The following NCOR1 variants were observed in gnomAD, a reference collection of about 807,000 sequenced individuals.
The protein encoded by NCOR1 is protein phosphatase 1, regulatory subunit 109.
In NCOR1, 63 loss-of-function variants were observed where a neutral mutation model predicts 288.1. That is an observed-to-expected ratio of 0.22 (90% CI 0.18 to 0.27). The LOEUF (loss-of-function observed/expected upper bound fraction) is 0.27, where lower values mean the gene tolerates loss of function less well. Ranked by LOEUF, NCOR1 falls within the 10% of genes least tolerant of loss-of-function variation. The pLI is 1.00. For missense variants in NCOR1, 2,397 were observed against 3,019.2 expected (o/e 0.79, Z 4.83); for synonymous variants, 1,007 against 1,065.9 (o/e 0.94, Z 1.08).
chr17:16,151,618 T>A, intron 8 of NCOR1: 1 of 1,358,434 alleles, frequency 7.4e-7, no homozygotes, highest in Non-Finnish European at 9.8e-7. Context: ...GGTACTCCAC[T>A]GAAAAAAAGA....
chr17:16,120,601 T>C (rs1484103541), intron 16 of NCOR1, among the ~76,000 whole-genome samples: 2 of 152,110 alleles, frequency 1.3e-5, no homozygotes, highest in African/African-American at 4.8e-5. Context: ...GATCCAGTAT[T>C]CCCTTGCCTA....
Position 16,121,095 on chromosome 17 carries a change from A to G in NCOR1, c.1809T>C (p.Ala603=), listed in dbSNP as rs746672203. 8.1e-6 allele frequency: 13 copies of G among 1,613,982 alleles called. No homozygotes were observed. Among genetic ancestry groups the G allele is most frequent in the Non-Finnish European group, 1.0e-5 (12 of 1,179,998 alleles). Residue 603 remains alanine (A), a synonymous_variant, in exon 16 of 46, where the codon GCT becomes GCC. Transcript: ENST00000268712. Reference sequence around the variant, plus strand: ...GCAGAGGTGGTGGGGGCTCTTCAGTAGCCGCTGCGGCTGCAGCACTGGCAG... The same window carrying G: ...GCAGAGGTGGTGGGGGCTCTTCAGTGGCCGCTGCGGCTGCAGCACTGGCAG... The part of the protein sequence containing the change: ...AAAASAAAAA[A]TEEPPPPLPP...
At position 16,127,675 on chromosome 17, in the gene NCOR1, G is replaced by A. The variant is rs147799081; in HGVS notation, c.1510-1469C>T. 3.6e-3 allele frequency among the ~76,000 whole-genome samples: 518 copies of A among 143,710 alleles called. 7 individuals are homozygous for A. The highest frequency in any genetic ancestry group is 0.013 in the African/African-American group (476 of 37,996). The allele number at this position is 143,710 out of a possible 152,430, so 94.3% of individuals were successfully genotyped here. Reference sequence around the variant, plus strand: ...TGTATATATACATATATGTATATATGTGTATGTGTATATATACATATATGT... The same window carrying A: ...TGTATATATACATATATGTATATATATGTATGTGTATATATACATATATGT... On this transcript the variant is annotated intron_variant, in intron 14 of 45. Transcript: ENST00000268712.
chr17:16,212,115 A>C (rs1387950961), intron 1 of NCOR1, among the ~76,000 whole-genome samples: 1 of 151,994 alleles, frequency 6.6e-6, no homozygotes, highest in African/African-American at 2.4e-5. Context: ...AAATACAAAA[A>C]TTAGCCAGGC....
chr17:16,215,480 A>C lies in NCOR1; in HGVS notation c.-189T>G, dbSNP rs2092472133. On this transcript the variant is annotated 5_prime_UTR_variant, in exon 1 of 46. Coordinates refer to ENST00000268712, the MANE Select transcript of NCOR1 (RefSeq NM_006311.4). Reference sequence around the variant, plus strand: ...GCGCGGCGAGTCGGACGCTCACTCCAGCCGCCGCCGCCGCCGCGGCTGCTG... The same window carrying C: ...GCGCGGCGAGTCGGACGCTCACTCCCGCCGCCGCCGCCGCCGCGGCTGCTG... The C allele has an allele frequency of 5.0e-6, 2 of 397,078 alleles. No homozygotes were observed. The highest frequency in any genetic ancestry group is 4.1e-5 in the African/African-American group (2 of 48,390). 24.6% of individuals were successfully genotyped at this position (397,078 alleles called of 1,614,324 possible). A position where few individuals can be genotyped will look rare whatever the true frequency, so the allele number is the denominator to read the frequency against.
At chr17:16,214,938 G>A (rs529111338) in intron 1 of NCOR1, among the ~76,000 whole-genome samples, 1 of 152,292 alleles carries the variant, frequency 6.6e-6, no homozygotes, top group South Asian at 2.1e-4. Context: ...GTCAACCTCC[G>A]CAGCCCCTTC....
At chr17:16,161,031 C>T (rs956309600) in intron 5 of NCOR1, among the ~76,000 whole-genome samples, 3 of 152,078 alleles carry the variant, frequency 2.0e-5, no homozygotes, top group African/African-American at 7.2e-5. Context: ...GTTATCTGTA[C>T]AAGCAAAAGA....
rs146651283 is a variant in NCOR1, at chr17:16,067,875, C to G, written c.4741+19G>C. The stretch of plus-strand genomic sequence containing the variant: ...GGCATATTTATTTGCCATAAATTAT[C>G]ACTATATTTTGTGTTTACCAGGATC... On this transcript the variant is annotated intron_variant, in intron 32 of 45. Coordinates refer to ENST00000268712, the MANE Select transcript of NCOR1 (RefSeq NM_006311.4). 20 of 1,592,332 alleles carry G rather than the reference C, an allele frequency of 1.3e-5. No individual in the cohort carries two copies. In the East Asian group the frequency reaches 4.5e-4, roughly 36 times the overall value.
Position 16,034,545 on chromosome 17 carries a change from C to T in NCOR1, c.7135+220G>A, listed in dbSNP as rs537091450. Among the ~76,000 whole-genome samples the T allele has an allele frequency of 8.5e-5, 13 of 152,180 alleles. No homozygotes were observed. The East Asian group carries it at 2.1e-3, about 25-fold the overall frequency. Reference sequence around the variant, plus strand: ...ATCACCTGAGCCTCAGAGGTCGAGGCTGCAGTGAGCCATGATCATGCCATT... The same window carrying T: ...ATCACCTGAGCCTCAGAGGTCGAGGTTGCAGTGAGCCATGATCATGCCATT... On this transcript the variant is annotated intron_variant, in intron 45 of 45. Coordinates refer to ENST00000268712, the MANE Select transcript of NCOR1 (RefSeq NM_006311.4).
chr17:16,117,514 GAAAAAAA>G (rs34706253), intron 18 of NCOR1, among the ~76,000 whole-genome samples: 1 of 103,788 alleles, frequency 9.6e-6, no homozygotes, highest in African/African-American at 3.7e-5. Flanking sequence ...CTGGAGCTCA[GAAAAAAA>G]AAAAAAAAAA....
At position 16,034,848 on chromosome 17, in the gene NCOR1, G is replaced by A. The variant is rs772551755; in HGVS notation, c.7052C>T (p.Ser2351Phe). ...GQGYLGTERP[S>F]SVSSVHSEGD... is the part of the protein sequence containing the mutation. Reference sequence around the variant, plus strand: ...TTCTGAATGTACAGAGGAGACTGAAGAGGGCCGTTCCGTTCCTAAGTAGCC... The same window carrying A: ...TTCTGAATGTACAGAGGAGACTGAAAAGGGCCGTTCCGTTCCTAAGTAGCC... Residue 2351 changes from serine (S) to phenylalanine (F), a missense_variant, in exon 45 of 46, where the codon TCT becomes TTT. Coordinates refer to ENST00000268712, the MANE Select transcript of NCOR1 (RefSeq NM_006311.4). 4 of 1,614,018 alleles carry A rather than the reference G, an allele frequency of 2.5e-6. No homozygotes were observed. The highest frequency in any genetic ancestry group is 3.4e-6 in the Non-Finnish European group (4 of 1,180,024).
intron 18 of NCOR1, among the ~76,000 whole-genome samples, chr17:16,110,729 C>G (rs1226509728): frequency 6.6e-6 from 1 of 152,170 alleles, no homozygotes; most frequent in East Asian, 1.9e-4. Context: ...TTAAAAATTA[C>G]CCGTACATCT....
At chr17:16,207,972 T>C (rs971469221) in intron 1 of NCOR1, among the ~76,000 whole-genome samples, 20 of 151,166 alleles carry the variant, frequency 1.3e-4, no homozygotes, top group African/African-American at 4.6e-4. Context: ...GTCGATATTA[T>C]TCTTTCAAAG....
At chr17:16,202,914 CAG>C (rs1220688414) in intron 1 of NCOR1, among the ~76,000 whole-genome samples, 1 of 152,104 alleles carries the variant, frequency 6.6e-6, no homozygotes, top group African/African-American at 2.4e-5. Context: ...TAGAAACAAA[CAG>C]AACTATCAAA....
At position 16,046,966 on chromosome 17, in the gene NCOR1, C is replaced by A; in HGVS notation, c.6664G>T (p.Gly2222Cys). The change falls in exon 42 of 46, where the codon GGT becomes TGT. Residue 2222 changes from glycine to cysteine, a missense_variant. By Grantham distance (159) the Gly-to-Cys change is radical (BLOSUM62 -3). Coordinates refer to ENST00000268712, the MANE Select transcript of NCOR1 (RefSeq NM_006311.4). ...IFRKLNSSGG[G>C]DSDMAAAQPG... ...TCCCACTTACCCATATCAGAGTCAC[C>A]TCCACCAGAGGAGTTCAACTTACGA... The A allele has an allele frequency of 1.2e-6, 2 of 1,613,878 alleles. No homozygotes were observed. The highest frequency in any genetic ancestry group is 1.7e-6 in the Non-Finnish European group (2 of 1,179,906).
chr17:16,114,166 A>ACAAAAAC (rs2153095046), intron 18 of NCOR1, among the ~76,000 whole-genome samples: 1 of 149,966 alleles, frequency 6.7e-6, no homozygotes, highest in East Asian at 1.9e-4. Context: ...AAAAAAAAAA[A>ACAAAAAC]AAACTTGTGC....
chr17:16,177,246 C>G (rs2084382184), intron 3 of NCOR1, among the ~76,000 whole-genome samples: 2 of 151,928 alleles, frequency 1.3e-5, no homozygotes, highest in African/African-American at 2.4e-5. Flanking sequence ...TTGAATACTT[C>G]ATTATTTAAG....
At position 16,031,025 on chromosome 17, in the gene NCOR1, T is replaced by G. The variant is rs531743770; in HGVS notation, c.*1271A>C. The G allele has an allele frequency of 5.6e-5, 11 of 196,018 alleles. No individual in the cohort carries two copies. The South Asian group carries it at 1.9e-3, about 34-fold the overall frequency. The allele number at this position is 196,018 out of a possible 1,614,324, so 12.1% of individuals were successfully genotyped here. On this transcript the variant is annotated 3_prime_UTR_variant, in exon 46 of 46. Transcript: ENST00000268712. The stretch of plus-strand genomic sequence containing the variant: ...AAAGATACTTAAATGCTATGATAAA[T>G]TGTATGAAAAAAACTTTAAAATTCA...
intron 42 of NCOR1, among the ~76,000 whole-genome samples, chr17:16,044,168 CAAAAAA>C (rs34691717): frequency 1.2e-5 from 1 of 82,796 alleles, no homozygotes; most frequent in Non-Finnish European, 2.3e-5. Context: ...GACTCCATCT[CAAAAAA>C]AAAAAAAAAA....
Sources: allele counts gnomAD v4.1 joint callset (sites outside exome capture counted in the v4.1 genomes callset), GRCh38; gene constraint gnomAD v4.1.1; transcripts MANE v1.5; gene names NCBI Gene and HGNC (gene_info 2026-07-23, HGNC 2026-07-21).